Variants in ZFHX3 observed in about 807,000 individuals in gnomAD.
ZFHX3 encodes the protein zinc finger homeobox 3.
ZFHX3 carries 42 observed loss-of-function variants against 279.1 expected under a neutral mutation model. The observed-to-expected ratio is 0.15, with a 90% confidence interval of 0.12 to 0.19. The LOEUF (loss-of-function observed/expected upper bound fraction) is 0.19, where lower values mean the gene tolerates loss of function less well. Among genes scored for constraint, ZFHX3 ranks in the 10% least tolerant of loss-of-function variants. The pLI is 1.00. For missense variants in ZFHX3, 4,981 were observed against 4,754.0 expected, an observed-to-expected ratio of 1.05 and a Z score of -1.40; for synonymous variants, 2,293 against 1,957.8, an observed-to-expected ratio of 1.17 and a Z score of -4.52.
chr16:73,536,128 G>A (rs1435175768), intron 2 of ZFHX3, among the ~76,000 whole-genome samples: 1 of 152,130 alleles, frequency 6.6e-6, no homozygotes, highest in Non-Finnish European at 1.5e-5. Context: ...AGTTGATTGG[G>A]GTTGGCTGGA....
intron 1 of ZFHX3, among the ~76,000 whole-genome samples, chr16:73,719,183 G>C (rs1408262849): frequency 6.6e-6 from 1 of 152,184 alleles, no homozygotes; most frequent in Non-Finnish European, 1.5e-5. Flanking sequence ...TGAGTATTGA[G>C]TCTGAGTGAT....
chr16:73,167,687 CTT>C (rs1270754154), intron 5 of ZFHX3, among the ~76,000 whole-genome samples: 1 of 152,200 alleles, frequency 6.6e-6, no homozygotes, highest in African/African-American at 2.4e-5. Flanking sequence ...AATTATGGAA[CTT>C]GTCACCAGCT....
intron 5 of ZFHX3, among the ~76,000 whole-genome samples, chr16:73,246,718 A>G (rs900336808): frequency 3.3e-5 from 5 of 152,262 alleles, no homozygotes; most frequent in African/African-American, 1.2e-4. Context: ...ATGTGCTTAA[A>G]ATAAGCAGCA....
chr16:73,177,992 C>T (rs935250336), intron 5 of ZFHX3, among the ~76,000 whole-genome samples: 1 of 152,190 alleles, frequency 6.6e-6, no homozygotes, highest in African/African-American at 2.4e-5. Context: ...GGCTACCTCT[C>T]TGCAGGCATC....
intron 3 of ZFHX3, among the ~76,000 whole-genome samples, chr16:73,368,029 T>A (rs920696481): frequency 1.3e-5 from 2 of 151,948 alleles, no homozygotes; most frequent in African/African-American, 4.8e-5. Flanking sequence ...TGCCACCACA[T>A]CTGGCTAATT....
rs1003438136 is a variant in ZFHX3 at position 73,194,599 on chromosome 16, C to T, written c.-1103-50768G>A. Among the ~76,000 whole-genome samples the T allele has an allele frequency of 2.0e-5, 3 of 152,114 alleles. 1 individual carries two copies. The highest frequency in any genetic ancestry group is 4.4e-5 in the Non-Finnish European group (3 of 68,026). ...GTATAATAAAATTATATTATGGTTA[C>T]GTCAACTAGAGGTCCAAAAAAGAAA... is the stretch of plus-strand genomic sequence containing the variant. On this transcript the variant is annotated intron_variant, in intron 5 of 17. Transcript: ENST00000641206.
chr16:73,274,632 A>G (rs1323341708), intron 4 of ZFHX3, among the ~76,000 whole-genome samples: 3 of 152,266 alleles, frequency 2.0e-5, no homozygotes, highest in African/African-American at 7.2e-5. Context: ...TTTTATGTTT[A>G]AGTCTATGTC....
chr16:73,489,704 A>C (rs2143643772), intron 2 of ZFHX3, among the ~76,000 whole-genome samples: 1 of 152,342 alleles, frequency 6.6e-6, no homozygotes, highest in South Asian at 2.1e-4. Flanking sequence ...ACTTTTTTTA[A>C]AGAGTAGAAT....
chr16:73,685,904 A>C (rs2053077338), intron 1 of ZFHX3, among the ~76,000 whole-genome samples: 1 of 152,196 alleles, frequency 6.6e-6, no homozygotes, highest in Non-Finnish European at 1.5e-5. Flanking sequence ...AAAATGTGGA[A>C]TATCTAGATC....
intron 7 of ZFHX3, among the ~76,000 whole-genome samples, chr16:73,120,086 T>G (rs976682963): frequency 6.6e-6 from 1 of 152,174 alleles, no homozygotes; most frequent in Non-Finnish European, 1.5e-5. Context: ...CCATACTAAG[T>G]GAAATACACA....
At chr16:73,106,682 C>G (rs1300203739) in intron 7 of ZFHX3, among the ~76,000 whole-genome samples, 3 of 152,182 alleles carry the variant, frequency 2.0e-5, no homozygotes, top group Non-Finnish European at 2.9e-5. Context: ...ATTTGGCCTG[C>G]ATAGATGTGA....
At chr16:73,611,055 A>G (rs2052240094) in intron 2 of ZFHX3, among the ~76,000 whole-genome samples, 1 of 152,250 alleles carries the variant, frequency 6.6e-6, no homozygotes. Context: ...CCCCTGTGAT[A>G]GGTCTCATAA....
intron 2 of ZFHX3, among the ~76,000 whole-genome samples, chr16:73,486,413 T>C (rs2018974782): frequency 6.6e-6 from 1 of 151,284 alleles, no homozygotes; most frequent in Non-Finnish European, 1.5e-5. Flanking sequence ...ATCTTTGCTT[T>C]GTTGCTTCAT....
At chr16:73,464,958 T>C (rs2018538323) in intron 2 of ZFHX3, among the ~76,000 whole-genome samples, 1 of 151,854 alleles carries the variant, frequency 6.6e-6, no homozygotes, top group Non-Finnish European at 1.5e-5. Flanking sequence ...CCACCAAGGC[T>C]GGGCGGGAGG....
chr16:73,723,003 C>G (rs1160285749), intron 1 of ZFHX3, among the ~76,000 whole-genome samples: 1 of 152,136 alleles, frequency 6.6e-6, no homozygotes, highest in African/African-American at 2.4e-5. Flanking sequence ...GTGTGGTCTT[C>G]AAGCTAAATG....
At chr16:73,775,786 G>A (rs923033437) in intron 1 of ZFHX3, among the ~76,000 whole-genome samples, 4 of 152,278 alleles carry the variant, frequency 2.6e-5, no homozygotes, top group African/African-American at 9.6e-5. Context: ...GGAGGCAGAG[G>A]AGGGTTTGCC....
At chr16:72,972,584 A>G (rs1346254271) in intron 1 of ZFHX3, among the ~76,000 whole-genome samples, 2 of 152,216 alleles carry the variant, frequency 1.3e-5, no homozygotes, top group Non-Finnish European at 2.9e-5. Context: ...AGCCCAGAGC[A>G]CAAGACTAGC....
chr16:73,002,313 C>T (rs1420462116), intron 1 of ZFHX3, among the ~76,000 whole-genome samples: 9 of 152,170 alleles, frequency 5.9e-5, no homozygotes, highest in Admixed American at 2.6e-4. Flanking sequence ...AAGATTAATG[C>T]TCTGTGGTGG....
chr16:73,321,016 C>A (rs1024829429), intron 3 of ZFHX3, among the ~76,000 whole-genome samples: 3 of 152,170 alleles, frequency 2.0e-5, no homozygotes, highest in Non-Finnish European at 4.4e-5. Flanking sequence ...CTGGTGCCAA[C>A]AGAGGGATCT....
Sources: allele counts gnomAD v4.1 joint callset (sites outside exome capture counted in the v4.1 genomes callset), GRCh38; gene constraint gnomAD v4.1.1; transcripts MANE v1.5; gene names NCBI Gene and HGNC (gene_info 2026-07-23, HGNC 2026-07-21).